NUB1: variants seen among roughly 807,000 people sequenced by gnomAD.
NUB1 encodes the protein negative regulator of ubiquitin like proteins 1.
Under a neutral mutation model 77.1 loss-of-function variants are expected in NUB1, and 41 were observed. The ratio of observed to expected loss-of-function variants is 0.53; its 90% CI spans 0.41 to 0.69. The LOEUF is 0.69. NUB1 is among the 30% of genes least tolerant of loss of function. NUB1 has a pLI of 0.00. For missense variants in NUB1, 643 were observed against 743.8 expected (o/e 0.86, Z 1.58); for synonymous variants, 257 against 281.0 (o/e 0.91, Z 0.85).
intron 7 of NUB1, among the ~76,000 whole-genome samples, chr7:151,358,496 A>G (rs1449224284): frequency 6.6e-6 from 1 of 152,212 alleles, no homozygotes; most frequent in Non-Finnish European, 1.5e-5. Context: ...CAGCGGCGGC[A>G]TTAGAGTCTT....
intron 7 of NUB1, among the ~76,000 whole-genome samples, chr7:151,357,387 G>A (rs1254814807): frequency 6.6e-6 from 1 of 152,024 alleles, no homozygotes; most frequent in Admixed American, 6.5e-5. Flanking sequence ...GCCTCCCGAA[G>A]TTCTGGGATT....
Position 151,345,486 on chromosome 7 carries a change from T to C in NUB1, c.117+20T>C, listed in dbSNP as rs746800245. ...TTAAAGGTATTTTTCTTTTAAGACA[T>C]CAATAATTAGCAGCATTATAAATCT... On this transcript the variant is annotated intron_variant, in intron 2 of 14. Coordinates refer to ENST00000568733, the MANE Select transcript of NUB1 (RefSeq NM_001243351.2). The C allele has an allele frequency of 2.5e-6, 3 of 1,197,082 alleles. 1 individual carries two copies. The highest frequency in any genetic ancestry group is 2.6e-5 in the South Asian group (2 of 76,300). 74.2% of individuals were successfully genotyped at this position (1,197,082 alleles called of 1,614,324 possible).
At chr7:151,350,872 G>A (rs913295799) in intron 3 of NUB1, among the ~76,000 whole-genome samples, 9 of 152,168 alleles carry the variant, frequency 5.9e-5, no homozygotes, top group African/African-American at 2.2e-4. Flanking sequence ...CAGATGAAGG[G>A]ATAGATAAAT....
chr7:151,356,771 G>C (rs1021351313), intron 7 of NUB1, among the ~76,000 whole-genome samples: 17 of 152,180 alleles, frequency 1.1e-4, no homozygotes, highest in Admixed American at 6.5e-5. Context: ...AGGCTGGAGT[G>C]CAATGGCTCA....
chr7:151,350,519 A>G (rs528564679), intron 3 of NUB1, among the ~76,000 whole-genome samples: 15 of 152,308 alleles, frequency 9.8e-5, no homozygotes, highest in African/African-American at 3.6e-4. Context: ...TCTTCTGGTC[A>G]CTTCTCACTG....
intron 13 of NUB1, 44 bp from the exon 14 acceptor site, chr7:151,376,590 G>A (rs1798275298): frequency 1.3e-6 from 2 of 1,538,404 alleles, no homozygotes; most frequent in Non-Finnish European, 1.8e-6. Context: ...GGTGGCAGAA[G>A]AGGCGCCAGG....
intron 8 of NUB1, among the ~76,000 whole-genome samples, chr7:151,365,819 C>A (rs1271759031): frequency 6.6e-6 from 1 of 152,066 alleles, no homozygotes; most frequent in African/African-American, 2.4e-5. Context: ...GCCGCACCCA[C>A]AACTGGACTG....
At position 151,377,803 on chromosome 7, in the gene NUB1, G is replaced by C. The variant is rs59584074; in HGVS notation, c.*578G>C. 0.076 allele frequency: 11,602 copies of C among 152,312 alleles called. 498 individuals carry two copies. Among genetic ancestry groups the C allele is most frequent in the South Asian group, 0.13 (613 of 4,832 alleles). 9.4% of individuals were successfully genotyped at this position (152,312 alleles called of 1,614,324 possible). A position where few individuals can be genotyped will look rare whatever the true frequency, so the allele number is the denominator to read the frequency against. Reference sequence around the variant, plus strand: ...GGGCCACACCAGGTCGCAGCAAATGGCTTCAGCCTGGGACGCCAGTGTTTT... The same window carrying C: ...GGGCCACACCAGGTCGCAGCAAATGCCTTCAGCCTGGGACGCCAGTGTTTT... On this transcript the variant is annotated 3_prime_UTR_variant, in exon 15 of 15. Coordinates refer to ENST00000568733, the MANE Select transcript of NUB1 (RefSeq NM_001243351.2).
intron 11 of NUB1, among the ~76,000 whole-genome samples, chr7:151,370,920 C>T (rs1797929897): frequency 6.6e-6 from 1 of 152,092 alleles, no homozygotes; most frequent in Non-Finnish European, 1.5e-5. Context: ...GACTATAGTT[C>T]ATAAAACATT....
chr7:151,359,313 G>GGT (rs965924190), intron 7 of NUB1, among the ~76,000 whole-genome samples: 12 of 151,608 alleles, frequency 7.9e-5, no homozygotes, highest in African/African-American at 2.9e-4. Context: ...CGTGGTGGTG[G>GGT]GTACCTGTAG....
chr7:151,345,039 C>A (rs1563008082), intron 1 of NUB1, among the ~76,000 whole-genome samples: 1 of 152,168 alleles, frequency 6.6e-6, no homozygotes, highest in Non-Finnish European at 1.5e-5. Flanking sequence ...AGGGATTTAT[C>A]TTTCTCTTAT....
At chr7:151,356,674 A>G (rs1163661356) in intron 7 of NUB1, among the ~76,000 whole-genome samples, 1 of 152,062 alleles carries the variant, frequency 6.6e-6, no homozygotes, top group Non-Finnish European at 1.5e-5. Flanking sequence ...AATTTGGGAT[A>G]GGTAGGCGGA....
At chr7:151,344,180 CAAAAAAAAAAAAAAAAAAA>C (rs561127147) in intron 1 of NUB1, among the ~76,000 whole-genome samples, 7 of 45,640 alleles carry the variant, frequency 1.5e-4, no homozygotes, top group Middle Eastern at 0.019. Flanking sequence ...GACTCCCTCT[CAAAAAAAAAAAAAAAAAAA>C]AAAAAAAAAA....
intron 12 of NUB1, 48 bp downstream of exon 12, chr7:151,374,291 C>T (rs1563031074): frequency 6.5e-7 from 1 of 1,542,146 alleles, no homozygotes; most frequent in East Asian, 2.4e-5. Context: ...GCAGTGGGTC[C>T]TGCCCAGAGC....
intron 5 of NUB1, among the ~76,000 whole-genome samples, chr7:151,353,399 T>C (rs1796909251): frequency 6.6e-6 from 1 of 152,158 alleles, no homozygotes; most frequent in African/African-American, 2.4e-5. Context: ...TTTGGCATTG[T>C]CTGGAGACAT....
rs1333233539 is a variant in NUB1, at chr7:151,341,851, G to A, written c.-3+5G>A. 1.3e-6 allele frequency: 2 copies of A among 1,499,582 alleles called. No homozygotes were observed. Among genetic ancestry groups the A allele is most frequent in the Admixed American group, 4.4e-5 (2 of 45,658 alleles). 92.9% of individuals were successfully genotyped at this position (1,499,582 alleles called of 1,614,324 possible). A position where few individuals can be genotyped will look rare whatever the true frequency, so the allele number is the denominator to read the frequency against. On this transcript the variant is annotated splice_donor_5th_base_variant and intron_variant, in intron 1 of 14. Coordinates refer to ENST00000568733, the MANE Select transcript of NUB1 (RefSeq NM_001243351.2). ...GGCGGGAGTGGCGTGGCGCAGGTGAGGACACGGCGGCCGAGTGTCCTCGAC... is the reference window on the plus strand; with the variant it reads ...GGCGGGAGTGGCGTGGCGCAGGTGAAGACACGGCGGCCGAGTGTCCTCGAC...
chr7:151,360,318 A>G, intron 8 of NUB1, 71 bp downstream of exon 8: 1 of 749,844 alleles, frequency 1.3e-6, no homozygotes, highest in East Asian at 2.6e-5. Context: ...ACACCCTGCC[A>G]TGCCCTTGAG....
In NUB1 at chr7:151,374,258, G is replaced by A. The variant is rs778840390; in HGVS notation, c.1395+15G>A. 88 of 1,551,124 alleles carry A rather than the reference G, an allele frequency of 5.7e-5. No homozygotes were observed. The highest frequency in any genetic ancestry group is 6.7e-5 in the Non-Finnish European group (77 of 1,147,208). On this transcript the variant is annotated intron_variant, in intron 12 of 14. Transcript: ENST00000568733. The stretch of plus-strand genomic sequence containing the variant: ...AGGCCCTGAAGGTAGCAGCTCCCTC[G>A]GGGCCTCTGGCCTTGTCCCTGAGCA...
rs58156271 is a variant in NUB1 at position 151,359,768 on chromosome 7, CT to C, written c.694-372del. 4.8e-3 allele frequency among the ~76,000 whole-genome samples: 729 copies of C among 151,734 alleles called. 10 individuals are homozygous for C. Among genetic ancestry groups the C allele is most frequent in the African/African-American group, 0.017 (681 of 41,082 alleles). ...CTCCAGCCTGGACGACAGAATGAGA[CT>C]CCGTCTCAAAAAAATAAAATAAATA... On this transcript the variant is annotated intron_variant, in intron 7 of 14. Coordinates refer to ENST00000568733, the MANE Select transcript of NUB1 (RefSeq NM_001243351.2).
Sources: gnomAD v4.1 joint callset for allele counts (sites outside exome capture counted in the v4.1 genomes callset) on GRCh38, gnomAD v4.1.1 for gene constraint, MANE v1.5 for transcripts, NCBI Gene and HGNC (gene_info 2026-07-23, HGNC 2026-07-21) for gene names.